EPB41L2: variants seen among roughly 807,000 people sequenced by gnomAD.
EPB41L2 encodes the protein band 4.1-like protein 2.
EPB41L2 carries 43 observed loss-of-function variants against 113.0 expected under a neutral mutation model. The ratio of observed to expected loss-of-function variants is 0.38; its 90% CI spans 0.30 to 0.49. EPB41L2 has a LOEUF of 0.49. Among genes scored for constraint, EPB41L2 ranks in the 20% least tolerant of loss-of-function variants. The probability of loss-of-function intolerance (pLI) is 0.95; values close to 1 mark genes in which losing one functional copy is unlikely to be tolerated. For missense variants in EPB41L2, 1,147 were observed against 1,223.4 expected (o/e 0.94, Z 0.93); for synonymous variants, 442 against 436.7 (o/e 1.01, Z -0.15).
chr6:130,891,059 T>C (rs546966046), intron 10 of EPB41L2, among the ~76,000 whole-genome samples: 2 of 152,236 alleles, frequency 1.3e-5, no homozygotes, highest in African/African-American at 2.4e-5. Context: ...TACAAAAGCA[T>C]GTTTTTAGCA....
At chr6:130,845,120 G>GA (rs1462063557) in intron 19 of EPB41L2, among the ~76,000 whole-genome samples, 1 of 152,172 alleles carries the variant, frequency 6.6e-6, no homozygotes, top group Non-Finnish European at 1.5e-5. Context: ...GTTAAACCCA[G>GA]AAAAAAGTCA....
At position 130,955,332 on chromosome 6, in the gene EPB41L2, A is replaced by T; in HGVS notation, c.493-15T>A. The T allele has an allele frequency of 6.2e-7, 1 of 1,600,066 alleles. No homozygotes were observed. On this transcript the variant is annotated splice_polypyrimidine_tract_variant and intron_variant, in intron 2 of 19. Coordinates refer to ENST00000337057, the MANE Select transcript of EPB41L2 (RefSeq NM_001431.4). ...AATTCAGTAGGCTGTTGAGGAAAAA[A>T]AAATAAATTCATACTATAGTCAACC...
Position 130,901,200 on chromosome 6 carries a change from A to C in EPB41L2, c.930-20T>G. 1.2e-6 allele frequency: 2 copies of C among 1,610,032 alleles called. No individual in the cohort carries two copies. Among genetic ancestry groups the C allele is most frequent in the Non-Finnish European group, 1.7e-6 (2 of 1,178,116 alleles). On this transcript the variant is annotated intron_variant, in intron 6 of 19. Transcript: ENST00000337057. Reference sequence around the variant, plus strand: ...AAGTATCTGTGAGGAGCAGAGGGAGAAATGGGTCAGGGGAGAACCATTAGG... The same window carrying C: ...AAGTATCTGTGAGGAGCAGAGGGAGCAATGGGTCAGGGGAGAACCATTAGG...
At chr6:130,898,934 C>A (rs1285966653) in intron 8 of EPB41L2, among the ~76,000 whole-genome samples, 1 of 152,046 alleles carries the variant, frequency 6.6e-6, no homozygotes, top group Non-Finnish European at 1.5e-5. Context: ...CACTCTTTTA[C>A]CATCTTTCAA....
At chr6:130,924,242 A>T (rs1216306592) in intron 4 of EPB41L2, among the ~76,000 whole-genome samples, 2 of 152,146 alleles carry the variant, frequency 1.3e-5, no homozygotes, top group Non-Finnish European at 2.9e-5. Flanking sequence ...TTCACCCATT[A>T]ATGGACATTT....
chr6:130,861,105 C>T (rs1210422161), intron 18 of EPB41L2, among the ~76,000 whole-genome samples: 1 of 152,044 alleles, frequency 6.6e-6, no homozygotes, highest in Non-Finnish European at 1.5e-5. Flanking sequence ...TGGAATCTTG[C>T]TCTGTCGCCC....
chr6:130,883,226 G>A (rs565308892), intron 12 of EPB41L2: 1 of 152,692 alleles, frequency 6.5e-6, no homozygotes, highest in Non-Finnish European at 1.5e-5. Context: ...TACAATCAAA[G>A]GAAAAACAGA....
In EPB41L2 at chr6:130,913,123, C is replaced by A. The variant is rs1327050346; in HGVS notation, c.811-4260G>T. ...TGGCACCTTCTATTCTCACCTAAAG[C>A]ACCCGGCCCTTGTACAAATTACCTA... On this transcript the variant is annotated intron_variant, in intron 4 of 19. Transcript: ENST00000337057. Among the ~76,000 whole-genome samples, 10 of 152,292 alleles carry A rather than the reference C, an allele frequency of 6.6e-5. No homozygotes were observed. In the East Asian group the frequency reaches 1.4e-3, roughly 21 times the overall value.
chr6:131,006,177 C>T (rs1217807214), intron 1 of EPB41L2, among the ~76,000 whole-genome samples: 3 of 151,708 alleles, frequency 2.0e-5, no homozygotes, highest in Non-Finnish European at 2.9e-5. Context: ...ATGCCTCAGC[C>T]TCCTGAGTAG....
intron 1 of EPB41L2, among the ~76,000 whole-genome samples, chr6:130,995,922 T>C (rs1782988388): frequency 6.6e-6 from 1 of 152,216 alleles, no homozygotes; most frequent in Non-Finnish European, 1.5e-5. Context: ...GTTAACCATA[T>C]TGGAACATAT....
chr6:130,912,339 CATATTAAAA>C (rs1799672862), intron 4 of EPB41L2, among the ~76,000 whole-genome samples: 1 of 152,102 alleles, frequency 6.6e-6, no homozygotes, highest in African/African-American at 2.4e-5. Context: ...GTCTTAATAC[CATATTAAAA>C]TGGTATAACG....
chr6:130,991,396 C>T lies in EPB41L2; in HGVS notation c.-14-34897G>A, dbSNP rs372688946. ...GCTTTACAGTTTACAGAGCCTTCAC[C>T]CTTTCCCAATCATATTCTTATTTAA... On this transcript the variant is annotated intron_variant, in intron 1 of 19. Coordinates refer to ENST00000337057, the MANE Select transcript of EPB41L2 (RefSeq NM_001431.4). Among the ~76,000 whole-genome samples the T allele has an allele frequency of 1.4e-3, 220 of 152,248 alleles. 2 individuals carry two copies. Among genetic ancestry groups the T allele is most frequent in the Middle Eastern group, 6.8e-3 (2 of 294 alleles).
intron 3 of EPB41L2, among the ~76,000 whole-genome samples, chr6:130,954,582 C>G (rs1180862787): frequency 6.6e-6 from 1 of 152,144 alleles, no homozygotes; most frequent in Non-Finnish European, 1.5e-5. Flanking sequence ...ACAAACTCTT[C>G]TGATTGACAT....
chr6:131,061,109 A>G (rs1474762531), intron 1 of EPB41L2, among the ~76,000 whole-genome samples: 1 of 152,196 alleles, frequency 6.6e-6, no homozygotes, highest in Admixed American at 6.5e-5. Context: ...TACTTGGACT[A>G]GTGGTTAAAG....
chr6:130,927,425 G>A (rs1298542877), intron 3 of EPB41L2, among the ~76,000 whole-genome samples: 3 of 152,076 alleles, frequency 2.0e-5, no homozygotes, highest in Non-Finnish European at 4.4e-5. Flanking sequence ...CTCTTCAATG[G>A]CAAAACATAA....
intron 19 of EPB41L2, among the ~76,000 whole-genome samples, chr6:130,842,591 A>G (rs964260776): frequency 1.3e-5 from 2 of 152,140 alleles, no homozygotes; most frequent in African/African-American, 4.8e-5. Flanking sequence ...CAGAGAGAAC[A>G]ATGTTTAGGA....
At chr6:130,921,886 G>A (rs1316355367) in intron 4 of EPB41L2, among the ~76,000 whole-genome samples, 2 of 152,156 alleles carry the variant, frequency 1.3e-5, no homozygotes, top group East Asian at 1.9e-4. Context: ...CTGACCAAAG[G>A]TTAATCTGTT....
intron 14 of EPB41L2, chr6:130,876,753 T>C (rs1222066732): frequency 7.7e-7 from 1 of 1,303,992 alleles, no homozygotes; most frequent in Non-Finnish European, 1.0e-6. Flanking sequence ...TAAAATATCC[T>C]TGAAAAGATG....
chr6:130,984,534 G>T (rs528413408), intron 1 of EPB41L2, among the ~76,000 whole-genome samples: 12 of 152,276 alleles, frequency 7.9e-5, no homozygotes, highest in African/African-American at 2.9e-4. Flanking sequence ...AGAATCTTAT[G>T]GGACCTCCAT....
Sources: allele counts gnomAD v4.1 joint callset (sites outside exome capture counted in the v4.1 genomes callset), GRCh38; gene constraint gnomAD v4.1.1; transcripts MANE v1.5; gene names NCBI Gene and HGNC (gene_info 2026-07-23, HGNC 2026-07-21).